REXO1: variants seen among roughly 807,000 people sequenced by gnomAD.
REXO1 encodes RNA exonuclease 1 homolog, also known as REX1, RNA exonuclease 1 homolog.
Under a neutral mutation model 102.6 loss-of-function variants are expected in REXO1, and 42 were observed. That is an observed-to-expected ratio of 0.41 (90% confidence interval 0.32 to 0.53). REXO1 has a LOEUF of 0.53. REXO1 is among the 20% of genes least tolerant of loss of function. The probability of loss-of-function intolerance (pLI) is 0.27; values close to 1 mark genes in which losing one functional copy is unlikely to be tolerated. For missense variants in REXO1, 1,819 were observed against 1,732.5 expected, an observed-to-expected ratio of 1.05 and a Z score of -0.89; for synonymous variants, 908 against 779.1, an observed-to-expected ratio of 1.17 and a Z score of -2.76.
chr19:1,815,853 G>T lies in REXO1; in HGVS notation c.*213C>A. ...GTTTCTAGAGACGCCAGAGGGCTGG[G>T]GGGCAGAGGGTGGGGACCGGCGGAG... On this transcript the variant is annotated 3_prime_UTR_variant, in exon 16 of 16. Transcript: ENST00000170168. This position sits in a 1 kb window ranked among gnomAD's most constrained non-coding sequence, Gnocchi z 4.0. 1 of 1,524,490 alleles carries T rather than the reference G, an allele frequency of 6.6e-7. No homozygotes were observed. The highest frequency in any genetic ancestry group is 1.2e-5 in the South Asian group (1 of 82,842). 94.4% of individuals were successfully genotyped at this position (1,524,490 alleles called of 1,614,324 possible).
In REXO1 at chr19:1,816,198, G is replaced by A. The variant is rs781565881; in HGVS notation, c.3577+27C>T. The stretch of plus-strand genomic sequence containing the variant: ...GAGCACCCGGCCCCTGCGCAGGGAC[G>A]GCCCCAGGGCAGGCACCGGCACTCA... On this transcript the variant is annotated intron_variant, in intron 15 of 15. Coordinates refer to ENST00000170168, the MANE Select transcript of REXO1 (RefSeq NM_020695.4). 29 of 1,570,458 alleles carry A rather than the reference G, an allele frequency of 1.8e-5. No homozygotes were observed. The East Asian group carries it at 3.5e-4, about 19-fold the overall frequency.
chr19:1,826,763 C>G lies in REXO1; in HGVS notation c.1911+115G>C, dbSNP rs2145274320. The G allele has an allele frequency of 2.7e-6, 4 of 1,476,090 alleles. No individual in the cohort carries two copies. Among genetic ancestry groups the G allele is most frequent in the Non-Finnish European group, 3.6e-6 (4 of 1,114,850 alleles). 91.4% of individuals were successfully genotyped at this position (1,476,090 alleles called of 1,614,324 possible). On this transcript the variant is annotated intron_variant, in intron 2 of 15. Transcript: ENST00000170168. This position sits in a 1 kb window ranked among gnomAD's most constrained non-coding sequence, Gnocchi z 4.3. ...GGGCTCAGGGACCAGCACTGAGGAG[C>G]TGCCTCCACCCCGTGCCTCCGAGCC... is the stretch of plus-strand genomic sequence containing the variant.
rs765901049 is a variant in REXO1 at position 1,821,716 on chromosome 19, A to G, written c.2231-34T>C. ...GCACAGGGGGTGTGGGCACAGGGCG[A>G]GTGGCTGCCCATCACCACGTGGCGG... On this transcript the variant is annotated intron_variant, in intron 4 of 15. Transcript: ENST00000170168. 1.3e-4 allele frequency: 208 copies of G among 1,582,944 alleles called. 2 individuals carry two copies. In the South Asian group the frequency reaches 1.4e-3, roughly 11 times the overall value.
At position 1,845,440 on chromosome 19, in the gene REXO1, G is replaced by A. The variant is rs115752286; in HGVS notation, c.157+2762C>T. On this transcript the variant is annotated intron_variant, in intron 1 of 15. Transcript: ENST00000170168. ...GCACTTCAGGAGGCTGAGGAGAGAG[G>A]ATCGCTTGAGTCCAGGAGCTCAAGA... Among the ~76,000 whole-genome samples, 1,334 of 152,312 alleles carry A rather than the reference G, an allele frequency of 8.8e-3. 18 individuals are homozygous for A. Among genetic ancestry groups the A allele is most frequent in the African/African-American group, 0.031 (1,278 of 41,552 alleles).
At chr19:1,842,364 C>T (rs1033606834) in intron 1 of REXO1, among the ~76,000 whole-genome samples, 1 of 152,262 alleles carries the variant, frequency 6.6e-6, no homozygotes, top group Non-Finnish European at 1.5e-5. Flanking sequence ...CTGAGCAGTG[C>T]CCCTGGCCTC....
At chr19:1,838,866 C>G (rs1416135053) in intron 1 of REXO1, among the ~76,000 whole-genome samples, 1 of 152,098 alleles carries the variant, frequency 6.6e-6, no homozygotes, top group African/African-American at 2.4e-5. Flanking sequence ...GCCTGTAACC[C>G]CAGCACTTGG....
chr19:1,847,986 G>C (rs935507082), intron 1 of REXO1, among the ~76,000 whole-genome samples: 1 of 152,236 alleles, frequency 6.6e-6, no homozygotes, highest in African/African-American at 2.4e-5. Context: ...CCTCCTAGTT[G>C]ACATTTCACA....
Position 1,820,003 on chromosome 19 carries a change from G to C in REXO1, c.2581C>G (p.Leu861Val), listed in dbSNP as rs2069483950. Residue 861 changes from leucine (L) to valine (V), a missense_variant, in exon 7 of 16, where the codon CTG becomes GTG. Transcript: ENST00000170168. Reference protein sequence around the residue: ...YDRSPSKNIYLNVAVNTLKKL... With the variant: ...YDRSPSKNIYVNVAVNTLKKL... ...TTGAGGGTGTTCACGGCCACATTCAGGTAGATGTTCTTGCTGGGGCTGCGG... is the reference window on the plus strand; with the variant it reads ...TTGAGGGTGTTCACGGCCACATTCACGTAGATGTTCTTGCTGGGGCTGCGG... 1 of 1,600,666 alleles carries C rather than the reference G, an allele frequency of 6.2e-7. No homozygotes were observed.
intron 1 of REXO1, among the ~76,000 whole-genome samples, chr19:1,846,109 T>C (rs1019680972): frequency 7.2e-5 from 11 of 152,028 alleles, no homozygotes; most frequent in Middle Eastern, 3.4e-3. Context: ...AGCGTTCCTG[T>C]CTATCTCCTC....
At chr19:1,838,356 C>A (rs1351599191) in intron 1 of REXO1, among the ~76,000 whole-genome samples, 3 of 150,542 alleles carry the variant, frequency 2.0e-5, no homozygotes, top group African/African-American at 7.3e-5. Flanking sequence ...TGGTGGCTCA[C>A]ACCTGTAATC....
intron 4 of REXO1, 79 bp downstream of exon 4, chr19:1,823,493 C>G (rs1302282344): frequency 9.6e-7 from 1 of 1,046,090 alleles, no homozygotes; most frequent in Admixed American, 4.2e-5. Flanking sequence ...TTCAGGTGAG[C>G]TCAGAGACCT....
At chr19:1,834,197 G>A (rs536702260) in intron 1 of REXO1, among the ~76,000 whole-genome samples, 1 of 152,288 alleles carries the variant, frequency 6.6e-6, no homozygotes, top group African/African-American at 2.4e-5. Flanking sequence ...CCAGCCAGCA[G>A]ACACCCGCGA....
chr19:1,832,064 T>G (rs2069921408), intron 1 of REXO1, among the ~76,000 whole-genome samples: 1 of 152,034 alleles, frequency 6.6e-6, no homozygotes, highest in Admixed American at 6.6e-5. Flanking sequence ...GTGAACATCT[T>G]GCATTATCCG....
Position 1,845,484 on chromosome 19 carries a change from T to C in REXO1, c.157+2718A>G, listed in dbSNP as rs564833511. Among the ~76,000 whole-genome samples, 10 of 152,196 alleles carry C rather than the reference T, an allele frequency of 6.6e-5. No individual in the cohort carries two copies. In the South Asian group the frequency reaches 1.5e-3, roughly 22 times the overall value. On this transcript the variant is annotated intron_variant, in intron 1 of 15. Coordinates refer to ENST00000170168, the MANE Select transcript of REXO1 (RefSeq NM_020695.4). ...CTCAAGACCAGCATGGGCAACAAAG[T>C]GAGACCCCGTCTCGGCAAAAATTTT...
intron 7 of REXO1, 65 bp downstream of exon 7, chr19:1,819,869 G>T: frequency 6.8e-7 from 1 of 1,473,100 alleles, no homozygotes; most frequent in Non-Finnish European, 9.0e-7. Context: ...CCCAGCGAGG[G>T]TCCCAGCCCA....
At position 1,815,477 on chromosome 19, in the gene REXO1, C is replaced by T. The variant is rs115470451; in HGVS notation, c.*589G>A. 5.4e-5 allele frequency: 10 copies of T among 184,448 alleles called. No individual in the cohort carries two copies. The highest frequency in any genetic ancestry group is 9.8e-5 in the Non-Finnish European group (9 of 91,810). 11.4% of individuals were successfully genotyped at this position (184,448 alleles called of 1,614,324 possible). A position where few individuals can be genotyped will look rare whatever the true frequency, so the allele number is the denominator to read the frequency against. ...GGTGGAAGCCGGCGCCCCCGAAGAC[C>T]GGCCAGCCCCTGGAGCACAGAGGCG... On this transcript the variant is annotated 3_prime_UTR_variant, in exon 16 of 16. Coordinates refer to ENST00000170168, the MANE Select transcript of REXO1 (RefSeq NM_020695.4). The surrounding 1 kb of genome is among the most constrained non-coding windows in gnomAD (Gnocchi z 4.0).
intron 7 of REXO1, 106 bp downstream of exon 7, chr19:1,819,828 A>T: frequency 8.0e-7 from 1 of 1,246,174 alleles, no homozygotes; most frequent in South Asian, 1.7e-5. Context: ...CTTTTGTCTG[A>T]GACTGTGGCT....
chr19:1,823,453 A>G lies in REXO1; in HGVS notation c.2230+119T>C, dbSNP rs529182743. 8.3e-4 allele frequency: 589 copies of G among 713,128 alleles called. 1 individual carries two copies. Among genetic ancestry groups the G allele is most frequent in the Admixed American group, 9.5e-4 (22 of 23,112 alleles). The allele number at this position is 713,128 out of a possible 1,614,324, so 44.2% of individuals were successfully genotyped here. A position where few individuals can be genotyped will look rare whatever the true frequency, so the allele number is the denominator to read the frequency against. ...GCTGAGGGCCCCAGGGAGGGGGCCC[A>G]AAGTCATCCCATGAGCAAGCACCAT... On this transcript the variant is annotated intron_variant, in intron 4 of 15. Coordinates refer to ENST00000170168, the MANE Select transcript of REXO1 (RefSeq NM_020695.4).
chr19:1,837,321 C>T (rs4807150), intron 1 of REXO1, among the ~76,000 whole-genome samples: 113,619 of 152,080 alleles, frequency 0.75, 42,613 homozygotes, highest in Middle Eastern at 0.81. Flanking sequence ...CACAGTGGGA[C>T]GTCCTCCAGC....
Sources: gnomAD v4.1 joint callset for allele counts (sites outside exome capture counted in the v4.1 genomes callset) on GRCh38, gnomAD v4.1.1 for gene constraint, Gnocchi (gnomAD v3.1) non-coding constraint, MANE v1.5 for transcripts, NCBI Gene and HGNC (gene_info 2026-07-23, HGNC 2026-07-21) for gene names.